The following PM20D2 variants were observed in gnomAD, a reference collection of about 807,000 sequenced individuals.
PM20D2 encodes peptidase M20 domain containing 2.
A neutral mutation model predicts 42.9 loss-of-function variants in PM20D2; 33 were observed. The ratio of observed to expected loss-of-function variants is 0.77; its 90% CI spans 0.58 to 1.03. PM20D2 has a LOEUF of 1.03. PM20D2 is among the 50% of genes least tolerant of loss of function. The pLI is 0.00. For synonymous variants in PM20D2, 250 were observed against 228.2 expected, an observed-to-expected ratio of 1.10 and a Z score of -0.86; for missense variants, 548 against 557.0, an observed-to-expected ratio of 0.98 and a Z score of 0.16.
chr6:89,134,010 A>C, the PM20D2 span, among the ~76,000 whole-genome samples: 1 of 151,370 alleles, frequency 6.6e-6, no homozygotes, highest in Non-Finnish European at 1.5e-5. Context: ...CGACGGATGA[A>C]TAACGTACAC....
intron 5 of PM20D2, 48 bp downstream of exon 5, chr6:89,158,508 A>C: frequency 6.3e-7 from 1 of 1,575,848 alleles, no homozygotes; most frequent in Non-Finnish European, 8.6e-7. Flanking sequence ...GAAGAGAAAT[A>C]CCATCTTTGG....
the PM20D2 span, among the ~76,000 whole-genome samples, chr6:89,099,538 G>GTT: frequency 3.8e-3 from 483 of 126,154 alleles, 12 homozygotes; most frequent in Non-Finnish European, 5.6e-3. Flanking sequence ...ACACATACAT[G>GTT]TTTTTTTTTT....
At position 89,163,565 on chromosome 6, in the gene PM20D2, G is replaced by A. The variant is rs114042185; in HGVS notation, c.*1302G>A. 9,537 of 152,084 alleles carry A rather than the reference G, an allele frequency of 0.063. 869 individuals carry two copies. The highest frequency in any genetic ancestry group is 0.2 in the African/African-American group (8,334 of 41,404). 9.4% of individuals were successfully genotyped at this position (152,084 alleles called of 1,614,324 possible). On this transcript the variant is annotated 3_prime_UTR_variant, in exon 7 of 7. Transcript: ENST00000275072. ...TGTAATCACAGCTCACTGCAGTCTC[G>A]AACTCCTGGACTCAAGCAGTCCTCC...
chr6:89,136,933 A>G, the PM20D2 span, among the ~76,000 whole-genome samples: 1 of 151,152 alleles, frequency 6.6e-6, no homozygotes, highest in African/African-American at 2.5e-5. Flanking sequence ...ACATGTTGAT[A>G]TCTTGTATGA....
the PM20D2 span, among the ~76,000 whole-genome samples, chr6:89,138,065 C>CTT: frequency 1.2e-3 from 175 of 144,768 alleles, no homozygotes; most frequent in Middle Eastern, 3.5e-3. Flanking sequence ...TTCAAGATTT[C>CTT]TTTTTTTTTT....
chr6:89,102,910 G>A, the PM20D2 span, among the ~76,000 whole-genome samples: 4 of 152,070 alleles, frequency 2.6e-5, no homozygotes, highest in Non-Finnish European at 5.9e-5. Context: ...GAACAGGTGT[G>A]TGCCACCACA....
intron 2 of PM20D2, among the ~76,000 whole-genome samples, chr6:89,150,884 T>C (rs1419793081): frequency 3.3e-5 from 5 of 150,084 alleles, no homozygotes; most frequent in African/African-American, 1.2e-4. Flanking sequence ...TCAGGTGCAG[T>C]GGCTCACACC....
At chr6:89,158,177 A>T in intron 4 of PM20D2, 148 bp from the exon 5 acceptor site, 1 of 686,802 alleles carries the variant, frequency 1.5e-6, no homozygotes, top group Non-Finnish European at 2.4e-6. Flanking sequence ...TTTCTTTTTT[A>T]AGGTAAGAGA....
the PM20D2 span, among the ~76,000 whole-genome samples, chr6:89,099,932 A>C: frequency 6.6e-6 from 1 of 152,198 alleles, no homozygotes; most frequent in Admixed American, 6.5e-5. Context: ...CTGAGGGATT[A>C]CAAGCCTTGG....
chr6:89,162,198 G>GA lies in PM20D2; in HGVS notation c.1248dup (p.Gly417ArgfsTer7). 1 of 1,614,126 alleles carries GA rather than the reference G, an allele frequency of 6.2e-7. No homozygotes were observed. The highest frequency in any genetic ancestry group is 8.5e-7 in the Non-Finnish European group (1 of 1,179,962). ...TGTTATTTTTAAACCAGAGTTACTG[G>GA]AAGGAATCAGAGAGGACTTTAAACT... On this transcript the variant is annotated frameshift_variant, in exon 7 of 7. Coordinates refer to ENST00000275072, the MANE Select transcript of PM20D2 (RefSeq NM_001010853.3). LOFTEE classifies it high-confidence loss of function.
At chr6:89,112,451 T>C in the PM20D2 span, among the ~76,000 whole-genome samples, 16 of 149,996 alleles carry the variant, frequency 1.1e-4, no homozygotes, top group South Asian at 2.1e-4. Context: ...TTCTTTCTTT[T>C]TTTTTTTTTT....
chr6:89,138,066 T>C, the PM20D2 span, among the ~76,000 whole-genome samples: 1 of 20,688 alleles, frequency 4.8e-5, no homozygotes, highest in African/African-American at 8.9e-5. Flanking sequence ...TCAAGATTTC[T>C]TTTTTTTTTT....
chr6:89,098,499 C>A, the PM20D2 span: 3 of 1,478,646 alleles, frequency 2.0e-6, no homozygotes, highest in Non-Finnish European at 2.7e-6. Context: ...TTTCTGTATG[C>A]CTTAAAGAAT....
the PM20D2 span, among the ~76,000 whole-genome samples, chr6:89,116,225 A>T: frequency 1.3e-5 from 2 of 152,164 alleles, no homozygotes; most frequent in Admixed American, 6.5e-5. Flanking sequence ...GGCCCCTGTG[A>T]ACCATTAGAA....
the PM20D2 span, among the ~76,000 whole-genome samples, chr6:89,116,982 G>A: frequency 2.0e-5 from 3 of 149,428 alleles, no homozygotes; most frequent in Non-Finnish European, 2.9e-5. Context: ...AAGGCTGGGG[G>A]GAAGTAAATG....
the PM20D2 span, among the ~76,000 whole-genome samples, chr6:89,115,647 T>TTTTTTTTTTTC: frequency 7.8e-6 from 1 of 128,952 alleles, no homozygotes; most frequent in African/African-American, 2.8e-5. Flanking sequence ...TTTTTTTTTT[T>TTTTTTTTTTTC]TTTTTTGAGA....
At chr6:89,144,550 T>C (rs1770454927), upstream of PM20D2, among the ~76,000 whole-genome samples, 1 of 152,254 alleles carries the variant, frequency 6.6e-6, no homozygotes, top group Non-Finnish European at 1.5e-5. Context: ...TTACTAGCTC[T>C]ATAATCTTGG....
At chr6:89,117,669 G>A in the PM20D2 span, among the ~76,000 whole-genome samples, 2 of 152,042 alleles carry the variant, frequency 1.3e-5, no homozygotes, top group South Asian at 2.1e-4. Context: ...GGAGTAGTCC[G>A]AGGGCTCACA....
At chr6:89,141,858 G>C (rs1770318200), upstream of PM20D2, among the ~76,000 whole-genome samples, 1 of 152,196 alleles carries the variant, frequency 6.6e-6, no homozygotes, top group African/African-American at 2.4e-5. Flanking sequence ...AGACTGGAGT[G>C]CAGTGGTGCA....
Sources: allele counts gnomAD v4.1 joint callset (sites outside exome capture counted in the v4.1 genomes callset), GRCh38; gene constraint gnomAD v4.1.1; transcripts MANE v1.5; gene names NCBI Gene and HGNC (gene_info 2026-07-23, HGNC 2026-07-21).